Variants in PTPRE observed in about 807,000 individuals in gnomAD.
The protein encoded by PTPRE is protein tyrosine phosphatase receptor type E.
A neutral mutation model predicts 102.0 loss-of-function variants in PTPRE; 51 were observed. That is an observed-to-expected ratio of 0.50 (90% confidence interval 0.40 to 0.63). The LOEUF (loss-of-function observed/expected upper bound fraction) is 0.63. Among genes scored for constraint, PTPRE ranks in the 30% least tolerant of loss-of-function variants. PTPRE has a pLI of 0.00. For synonymous variants in PTPRE, 345 were observed against 348.2 expected, an observed-to-expected ratio of 0.99 and a Z score of 0.10; for missense variants, 752 against 915.1, an observed-to-expected ratio of 0.82 and a Z score of 2.30.
intron 1 of PTPRE, among the ~76,000 whole-genome samples, chr10:127,943,145 G>A (rs976657648): frequency 2.6e-5 from 4 of 152,222 alleles, no homozygotes; most frequent in African/African-American, 4.8e-5. Context: ...CAGAGGTCAT[G>A]TAAGGAAATC....
At chr10:128,000,988 A>G (rs530023134) in intron 2 of PTPRE, among the ~76,000 whole-genome samples, 1 of 152,308 alleles carries the variant, frequency 6.6e-6, no homozygotes, top group Admixed American at 6.5e-5. Flanking sequence ...TATAAATCTG[A>G]ACTCTGCATG....
intron 1 of PTPRE, among the ~76,000 whole-genome samples, chr10:127,913,561 T>C (rs1846009098): frequency 6.6e-6 from 1 of 152,370 alleles, no homozygotes; most frequent in East Asian, 1.9e-4. Context: ...TTGGCATTTT[T>C]CAGGCTGTGT....
At chr10:128,036,126 G>GT (rs34299486) in intron 2 of PTPRE, among the ~76,000 whole-genome samples, 9,125 of 152,044 alleles carry the variant, frequency 0.06, 412 homozygotes, top group East Asian at 0.16. Flanking sequence ...CCTACCCTGG[G>GT]TGTGTACCTC....
chr10:128,035,053 G>A (rs542163632), intron 2 of PTPRE, among the ~76,000 whole-genome samples: 21 of 152,002 alleles, frequency 1.4e-4, no homozygotes, highest in Admixed American at 2.6e-4. Context: ...GCATGATCTC[G>A]GCTATTGCAA....
intron 2 of PTPRE, among the ~76,000 whole-genome samples, chr10:127,990,474 C>T (rs1005781269): frequency 2.7e-5 from 4 of 150,672 alleles, no homozygotes; most frequent in African/African-American, 9.7e-5. Flanking sequence ...AGACTTGTCA[C>T]TTCATCACTC....
At chr10:128,065,568 T>A (rs1291297834) in intron 10 of PTPRE, among the ~76,000 whole-genome samples, 1 of 152,128 alleles carries the variant, frequency 6.6e-6, no homozygotes, top group Non-Finnish European at 1.5e-5. Flanking sequence ...AAAATGAAGA[T>A]CGTTAGACCA....
chr10:127,982,496 G>C (rs1160103174), intron 2 of PTPRE, among the ~76,000 whole-genome samples, 200 bp downstream of exon 2: 3 of 64,686 alleles, frequency 4.6e-5, no homozygotes, highest in Non-Finnish European at 9.5e-5. Flanking sequence ...TTGCGTGTGT[G>C]TGTGTGTGTG....
chr10:128,064,762 A>ATTCAGATGAATTGAT (rs1450353852), intron 10 of PTPRE, among the ~76,000 whole-genome samples: 23 of 152,308 alleles, frequency 1.5e-4, no homozygotes, highest in African/African-American at 5.3e-4. Flanking sequence ...ATTCTCACCA[A>ATTCAGATGAATTGAT]TTCAGATGAA....
intron 1 of PTPRE, among the ~76,000 whole-genome samples, chr10:127,967,828 T>A (rs1272719851): frequency 1.3e-5 from 2 of 152,160 alleles, no homozygotes; most frequent in Non-Finnish European, 2.9e-5. Context: ...GGGGTAACCA[T>A]TGTCCCCACT....
At chr10:128,038,903 G>A (rs879572561) in intron 2 of PTPRE, among the ~76,000 whole-genome samples, 1 of 152,158 alleles carries the variant, frequency 6.6e-6, no homozygotes, top group Non-Finnish European at 1.5e-5. Flanking sequence ...GGTCATGTCA[G>A]GAAAATCACC....
intron 6 of PTPRE, among the ~76,000 whole-genome samples, chr10:128,053,790 T>G (rs1202406308): frequency 6.6e-6 from 1 of 152,160 alleles, no homozygotes; most frequent in Admixed American, 6.5e-5. Flanking sequence ...AGAGAGAGTC[T>G]CTCTCTGTCC....
chr10:127,908,132 G>A (rs1288536725), intron 1 of PTPRE, among the ~76,000 whole-genome samples: 1 of 152,230 alleles, frequency 6.6e-6, no homozygotes, highest in Non-Finnish European at 1.5e-5. Context: ...TATACTTGCA[G>A]AATTATGATA....
intron 1 of PTPRE, among the ~76,000 whole-genome samples, chr10:127,971,976 G>A (rs543481914): frequency 6.6e-6 from 1 of 152,328 alleles, no homozygotes; most frequent in South Asian, 2.1e-4. Flanking sequence ...GTTTATAGAA[G>A]CCCAGCAGAA....
chr10:127,946,389 A>ACCTGTGCACACTTGCTCATCTG (rs1564817885), intron 1 of PTPRE, among the ~76,000 whole-genome samples: 2 of 112,616 alleles, frequency 1.8e-5, no homozygotes, highest in Admixed American at 9.9e-5. Context: ...GTAAGGATAT[A>ACCTGTGCACACTTGCTCATCTG]TATACAAGGA....
chr10:128,065,478 G>A (rs1392390193), intron 10 of PTPRE, among the ~76,000 whole-genome samples: 2 of 152,160 alleles, frequency 1.3e-5, no homozygotes, highest in South Asian at 2.1e-4. Flanking sequence ...TTCAGAGGTC[G>A]GGAAGGTAAA....
At chr10:127,961,287 A>G (rs1849789953) in intron 1 of PTPRE, among the ~76,000 whole-genome samples, 1 of 152,186 alleles carries the variant, frequency 6.6e-6, no homozygotes. Context: ...TGTTGGTGAC[A>G]GCGTCCCCTT....
chr10:127,921,433 C>T (rs533646781), intron 1 of PTPRE, among the ~76,000 whole-genome samples: 14 of 152,180 alleles, frequency 9.2e-5, no homozygotes, highest in East Asian at 1.9e-4. Context: ...TGGGAAGAGG[C>T]GTCCTGTGGC....
intron 2 of PTPRE, among the ~76,000 whole-genome samples, chr10:127,982,694 G>C (rs1173947637): frequency 6.6e-6 from 1 of 152,154 alleles, no homozygotes; most frequent in South Asian, 2.1e-4. Context: ...TAATTGCATT[G>C]ATGGTAACTG....
chr10:127,914,262 G>A (rs1327164747), intron 1 of PTPRE, among the ~76,000 whole-genome samples: 1 of 152,150 alleles, frequency 6.6e-6, no homozygotes, highest in African/African-American at 2.4e-5. Context: ...TGCACAGCCT[G>A]CAGAACCATC....
Sources: allele counts gnomAD v4.1 joint callset (sites outside exome capture counted in the v4.1 genomes callset), GRCh38; gene constraint gnomAD v4.1.1; transcripts MANE v1.5; gene names NCBI Gene and HGNC (gene_info 2026-07-23, HGNC 2026-07-21).